PLA2R1: variants seen among roughly 807,000 people sequenced by gnomAD.
PLA2R1 encodes the protein secretory phospholipase A2 receptor.
In PLA2R1, 158 loss-of-function variants were observed where a neutral mutation model predicts 195.9. The observed-to-expected ratio is 0.81, with a 90% CI of 0.71 to 0.92. The LOEUF (loss-of-function observed/expected upper bound fraction) is 0.92, where lower values mean the gene tolerates loss of function less well. Among genes scored for constraint, PLA2R1 ranks in the 40% least tolerant of loss-of-function variants. The pLI is 0.00. For missense variants in PLA2R1, 1,626 were observed against 1,764.6 expected, an observed-to-expected ratio of 0.92 and a Z score of 1.41; for synonymous variants, 586 against 598.2, an observed-to-expected ratio of 0.98 and a Z score of 0.30.
intron 23 of PLA2R1, among the ~76,000 whole-genome samples, chr2:159,952,410 T>C (rs570489871): frequency 6.6e-6 from 1 of 152,164 alleles, no homozygotes; most frequent in Non-Finnish European, 1.5e-5. Context: ...ATAGAACATA[T>C]GTTCTGTATG....
intron 11 of PLA2R1, among the ~76,000 whole-genome samples, chr2:159,997,919 A>G (rs1691328487): frequency 6.6e-6 from 1 of 152,144 alleles, no homozygotes; most frequent in Non-Finnish European, 1.5e-5. Flanking sequence ...TCAAAAGTAC[A>G]GGGTTTTAAA....
chr2:160,019,343 C>T (rs1692958036), intron 8 of PLA2R1, among the ~76,000 whole-genome samples: 1 of 152,194 alleles, frequency 6.6e-6, no homozygotes, highest in South Asian at 2.1e-4. Flanking sequence ...TCACAGCAGT[C>T]AATGGCACCA....
chr2:160,034,141 G>A (rs752800051), intron 3 of PLA2R1, among the ~76,000 whole-genome samples: 2 of 152,202 alleles, frequency 1.3e-5, no homozygotes, highest in Non-Finnish European at 2.9e-5. Context: ...TTAATTTAGT[G>A]TACTTCAAAC....
rs1689531818 is a variant in PLA2R1 at position 159,976,071 on chromosome 2, T to G, written c.2592A>C (p.Lys864Asn). 6.2e-7 allele frequency: 1 copy of G among 1,609,250 alleles called. No individual in the cohort carries two copies. The highest frequency in any genetic ancestry group is 8.5e-7 in the Non-Finnish European group (1 of 1,177,004). ...GTGGTGAGTTATGTTCAAGTACCGC[T>G]TTTATTTTGCTGTGGATGAATTCTT... ...HEQEFIHSKI[K>N]ALSKYGASWW... Residue 864 changes from lysine to asparagine, a missense_variant, in exon 17 of 30, where the codon AAA (lysine) becomes AAC (asparagine). Coordinates refer to ENST00000283243, the MANE Select transcript of PLA2R1 (RefSeq NM_007366.5).
rs1479332341 is a variant in PLA2R1 at position 160,062,277 on chromosome 2, C to A, written c.109+18G>T. ...CTCCCCAACGTACCGATCCAGTCCCCGACCCTGGGAGACTCACCCTGCCAC... is the reference window on the plus strand; with the variant it reads ...CTCCCCAACGTACCGATCCAGTCCCAGACCCTGGGAGACTCACCCTGCCAC... On this transcript the variant is annotated intron_variant, in intron 1 of 29. Coordinates refer to ENST00000283243, the MANE Select transcript of PLA2R1 (RefSeq NM_007366.5). The A allele has an allele frequency of 4.1e-6, 6 of 1,451,212 alleles. No individual in the cohort carries two copies. Among genetic ancestry groups the A allele is most frequent in the Non-Finnish European group, 3.6e-6 (4 of 1,098,950 alleles). 89.9% of individuals were successfully genotyped at this position (1,451,212 alleles called of 1,614,324 possible). A position where few individuals can be genotyped will look rare whatever the true frequency, so the allele number is the denominator to read the frequency against.
In PLA2R1 at chr2:159,988,099, A is replaced by G. The variant is rs1299855227; in HGVS notation, c.1835-741T>C. On this transcript the variant is annotated intron_variant, in intron 11 of 29. Transcript: ENST00000283243. ...TAAAATGTATTTTTCCACAGAAACAATTTATAAATTAAGATTCTTAAGATT... is the reference window on the plus strand; with the variant it reads ...TAAAATGTATTTTTCCACAGAAACAGTTTATAAATTAAGATTCTTAAGATT... Among the ~76,000 whole-genome samples the G allele has an allele frequency of 3.3e-5, 5 of 152,248 alleles. No homozygotes were observed. The East Asian group carries it at 9.7e-4, about 29-fold the overall frequency.
intron 6 of PLA2R1, among the ~76,000 whole-genome samples, chr2:160,027,412 A>G (rs1693591741): frequency 6.6e-6 from 1 of 152,204 alleles, no homozygotes; most frequent in Non-Finnish European, 1.5e-5. Context: ...GAAATAATGG[A>G]AAAATCTCTA....
At chr2:159,931,680 CA>C (rs1172924299), downstream of PLA2R1, among the ~76,000 whole-genome samples, 1 of 152,154 alleles carries the variant, frequency 6.6e-6, no homozygotes, top group Non-Finnish European at 1.5e-5. Context: ...GTACTACAGG[CA>C]TGCACCACCA....
chr2:159,989,675 C>A (rs112539082), intron 11 of PLA2R1, among the ~76,000 whole-genome samples: 2 of 152,086 alleles, frequency 1.3e-5, no homozygotes, highest in Non-Finnish European at 2.9e-5. Flanking sequence ...AAATAATGAA[C>A]TGAAAAGCAC....
chr2:159,973,762 C>G (rs146881873), intron 17 of PLA2R1, among the ~76,000 whole-genome samples: 2 of 152,270 alleles, frequency 1.3e-5, no homozygotes, highest in East Asian at 3.9e-4. Context: ...CTTCCCATAA[C>G]TTTCTTTTGC....
chr2:159,992,931 C>T (rs1345596976), intron 11 of PLA2R1, among the ~76,000 whole-genome samples: 1 of 152,080 alleles, frequency 6.6e-6, no homozygotes, highest in Non-Finnish European at 1.5e-5. Flanking sequence ...AGAAACAAAA[C>T]ATTTTTCACA....
chr2:160,017,636 C>T (rs1250841950), intron 8 of PLA2R1, among the ~76,000 whole-genome samples: 1 of 152,166 alleles, frequency 6.6e-6, no homozygotes, highest in Non-Finnish European at 1.5e-5. Context: ...TTTCTCTAAT[C>T]CTATTGAAGG....
rs75751099 is a variant in PLA2R1, at chr2:160,061,099, A to C, written c.109+1196T>G. Among the ~76,000 whole-genome samples the C allele has an allele frequency of 2.3e-3, 355 of 152,358 alleles. 1 individual carries two copies. The highest frequency in any genetic ancestry group is 8.0e-3 in the African/African-American group (334 of 41,588). ...GACATATTCTACTGTGGAGGAAAAAATGTGAACGCAGATATTGATCACATC... is the reference window on the plus strand; with the variant it reads ...GACATATTCTACTGTGGAGGAAAAACTGTGAACGCAGATATTGATCACATC... On this transcript the variant is annotated intron_variant, in intron 1 of 29. Coordinates refer to ENST00000283243, the MANE Select transcript of PLA2R1 (RefSeq NM_007366.5).
chr2:160,052,207 G>A (rs539152638), intron 1 of PLA2R1, among the ~76,000 whole-genome samples: 3 of 152,272 alleles, frequency 2.0e-5, no homozygotes, highest in African/African-American at 7.2e-5. Context: ...TTTCTCACAT[G>A]AGGGAAAAAT....
chr2:159,994,024 A>G (rs1326123303), intron 11 of PLA2R1, among the ~76,000 whole-genome samples: 3 of 152,032 alleles, frequency 2.0e-5, no homozygotes, highest in African/African-American at 7.2e-5. Flanking sequence ...AGAAACCCCT[A>G]ATGAGTCAAT....
At chr2:159,982,534 C>A (rs1183257231) in intron 13 of PLA2R1, among the ~76,000 whole-genome samples, 1 of 152,200 alleles carries the variant, frequency 6.6e-6, no homozygotes, top group Non-Finnish European at 1.5e-5. Flanking sequence ...ATGTACATGG[C>A]AAATCTCCAA....
chr2:159,967,442 C>T (rs1688861297), intron 20 of PLA2R1, 97 bp downstream of exon 20: 10 of 1,070,046 alleles, frequency 9.3e-6, no homozygotes, highest in Admixed American at 2.1e-5. Context: ...CTATGGACAA[C>T]TCACAGCTTT....
intron 1 of PLA2R1, among the ~76,000 whole-genome samples, chr2:160,045,374 A>G (rs1190834444): frequency 6.6e-6 from 1 of 152,172 alleles, no homozygotes; most frequent in African/African-American, 2.4e-5. Context: ...AGCTAATGGG[A>G]GAGCTCTGAT....
intron 1 of PLA2R1, among the ~76,000 whole-genome samples, chr2:160,057,477 G>A (rs565679033): frequency 7.9e-5 from 12 of 152,304 alleles, no homozygotes; most frequent in Admixed American, 3.9e-4. Context: ...TGCCTGACAC[G>A]TGATCCTGGG....
Sources: allele counts gnomAD v4.1 joint callset (sites outside exome capture counted in the v4.1 genomes callset), GRCh38; gene constraint gnomAD v4.1.1; transcripts MANE v1.5; gene names NCBI Gene and HGNC (gene_info 2026-07-23, HGNC 2026-07-21).